The following NOS1 variants were observed in gnomAD, a reference collection of about 807,000 sequenced individuals.
The protein encoded by NOS1 is NOS type I.
NOS1 carries 51 observed loss-of-function variants against 164.5 expected under a neutral mutation model. That is an observed-to-expected ratio of 0.31 (90% CI 0.25 to 0.39). NOS1 has a LOEUF of 0.39. Ranked by LOEUF, NOS1 falls within the 10% of genes least tolerant of loss-of-function variation. The pLI is 1.00. For synonymous variants in NOS1, 719 were observed against 745.8 expected (o/e 0.96, Z 0.59); for missense variants, 1,362 against 1,885.6 (o/e 0.72, Z 5.14).
chr12:117,317,826 G>T (rs2136061358), intron 2 of NOS1, among the ~76,000 whole-genome samples: 1 of 152,160 alleles, frequency 6.6e-6, no homozygotes, highest in South Asian at 2.1e-4. Flanking sequence ...GGTCACATTT[G>T]GTGGTTCTCA....
At chr12:117,337,696 T>A (rs991145406) in intron 1 of NOS1, among the ~76,000 whole-genome samples, 1 of 152,102 alleles carries the variant, frequency 6.6e-6, no homozygotes, top group African/African-American at 2.4e-5. Context: ...GGGGGTAGCA[T>A]GGAAAGAGAG....
In NOS1 at chr12:117,272,250, C is replaced by T; in HGVS notation, c.1839+135G>A. 1.1e-6 allele frequency: 1 copy of T among 898,014 alleles called. No homozygotes were observed. 55.6% of individuals were successfully genotyped at this position (898,014 alleles called of 1,614,324 possible). A position where few individuals can be genotyped will look rare whatever the true frequency, so the allele number is the denominator to read the frequency against. On this transcript the variant is annotated intron_variant, in intron 10 of 28. Transcript: ENST00000317775. The surrounding 1 kb of genome is among the most constrained non-coding windows in gnomAD (Gnocchi z 4.3). ...TGGATGCCCCTGGCATTTCCAGGGG[C>T]TTCTCTGGGATTGCAATTCTATTCT... is the stretch of plus-strand genomic sequence containing the variant.
At chr12:117,262,730 A>C (rs929785242) in intron 13 of NOS1, among the ~76,000 whole-genome samples, 1 of 150,600 alleles carries the variant, frequency 6.6e-6, no homozygotes, top group Non-Finnish European at 1.5e-5. Flanking sequence ...GTTAGCTCCA[A>C]ACAGTGGTCT....
Position 117,288,055 on chromosome 12 carries a change from G to A in NOS1, c.1127+19C>T, listed in dbSNP as rs180858655. 26 of 1,613,094 alleles carry A rather than the reference G, an allele frequency of 1.6e-5. No homozygotes were observed. The East Asian group carries it at 2.9e-4, about 18-fold the overall frequency. ...TTCGATAACTTACCTCGGGCTCCCC[G>A]GAATTGACACACACTTGCCTTTTAA... On this transcript the variant is annotated intron_variant, in intron 5 of 28. Coordinates refer to ENST00000317775, the MANE Select transcript of NOS1 (RefSeq NM_000620.5).
At chr12:117,232,167 G>A (rs370301880) in intron 21 of NOS1, 36 bp from the exon 22 acceptor site, 26 of 1,606,624 alleles carry the variant, frequency 1.6e-5, no homozygotes, top group Non-Finnish European at 2.0e-5. Flanking sequence ...GGTGGGTGTG[G>A]GAGGGCTTGA....
chr12:117,264,735 C>T (rs1872243950), intron 12 of NOS1, among the ~76,000 whole-genome samples: 1 of 149,572 alleles, frequency 6.7e-6, no homozygotes, highest in African/African-American at 2.5e-5. Flanking sequence ...CTCTTTCTCT[C>T]TTTCTTTTTG....
chr12:117,291,978 G>A (rs1873095223), intron 3 of NOS1, among the ~76,000 whole-genome samples: 1 of 152,172 alleles, frequency 6.6e-6, no homozygotes, highest in African/African-American at 2.4e-5. Context: ...AGCCAAGCAA[G>A]ATCAGGGAGA....
intron 2 of NOS1, among the ~76,000 whole-genome samples, chr12:117,317,173 G>A (rs142792286): frequency 0.016 from 2,370 of 152,112 alleles, 30 homozygotes; most frequent in African/African-American, 0.02. Flanking sequence ...GAGCCACTGC[G>A]CCTGGCCTGT....
chr12:117,252,937 A>G (rs992802748), intron 17 of NOS1, among the ~76,000 whole-genome samples: 1 of 152,194 alleles, frequency 6.6e-6, no homozygotes, highest in African/African-American at 2.4e-5. Flanking sequence ...CACGAAACCA[A>G]GGGTTTGACA....
intron 10 of NOS1, among the ~76,000 whole-genome samples, chr12:117,271,338 C>A (rs904665981): frequency 6.6e-6 from 1 of 151,040 alleles, no homozygotes; most frequent in Non-Finnish European, 1.5e-5. Flanking sequence ...AGTACAGTGG[C>A]GCAATCTCGG....
At position 117,211,642 on chromosome 12, in the gene NOS1, G is replaced by A. The variant is rs148968673; in HGVS notation, c.*3667C>T. ...AATTTATCTTACATGCTCCCTGTCC[G>A]TGCCTTTCCTCTCACTCTTCCCAAT... On this transcript the variant is annotated 3_prime_UTR_variant, in exon 29 of 29. Coordinates refer to ENST00000317775, the MANE Select transcript of NOS1 (RefSeq NM_000620.5). 1.4e-5 allele frequency: 14 copies of A among 985,388 alleles called. No homozygotes were observed. The Admixed American group carries it at 2.5e-4, about 17-fold the overall frequency. The allele number at this position is 985,388 out of a possible 1,614,324, so 61.0% of individuals were successfully genotyped here.
chr12:117,320,919 A>C (rs191446777), intron 2 of NOS1, among the ~76,000 whole-genome samples: 1 of 152,200 alleles, frequency 6.6e-6, no homozygotes, highest in Admixed American at 6.5e-5. Flanking sequence ...CCCCTATCTA[A>C]TGCTCTACCA....
chr12:117,240,935 CT>C (rs954098413), intron 20 of NOS1, among the ~76,000 whole-genome samples: 6 of 142,872 alleles, frequency 4.2e-5, no homozygotes, highest in Non-Finnish European at 9.1e-5. Flanking sequence ...AGTAATTTTT[CT>C]TTTTCTTTTT....
intron 2 of NOS1, among the ~76,000 whole-genome samples, chr12:117,312,544 T>A (rs1037042849): frequency 7.3e-5 from 11 of 151,700 alleles, no homozygotes; most frequent in African/African-American, 2.4e-4. Context: ...GCCTCCCGAG[T>A]AGCTGGGACT....
chr12:117,250,482 C>T (rs1335145667), intron 17 of NOS1, among the ~76,000 whole-genome samples: 1 of 152,002 alleles, frequency 6.6e-6, no homozygotes, highest in Admixed American at 6.6e-5. Flanking sequence ...GCCCCCATAA[C>T]CACGCGTGGC....
intron 3 of NOS1, among the ~76,000 whole-genome samples, chr12:117,303,037 C>T (rs374539765): frequency 7.2e-5 from 11 of 152,310 alleles, no homozygotes; most frequent in African/African-American, 9.6e-5. Context: ...TGAGCCACCG[C>T]GCTGGGCCAC....
intron 27 of NOS1, among the ~76,000 whole-genome samples, chr12:117,218,606 C>T (rs9658541): frequency 1.3e-5 from 2 of 152,080 alleles, no homozygotes; most frequent in African/African-American, 4.8e-5. Flanking sequence ...GGCCGCATAG[C>T]ACTCAGGGAA....
intron 16 of NOS1, among the ~76,000 whole-genome samples, chr12:117,254,013 C>T (rs1338374358): frequency 6.6e-6 from 1 of 152,052 alleles, no homozygotes; most frequent in East Asian, 1.9e-4. Context: ...AAACCTGAGA[C>T]CCATAAAGTT....
intron 2 of NOS1, among the ~76,000 whole-genome samples, chr12:117,323,937 A>G (rs1593022761): frequency 6.7e-6 from 1 of 149,312 alleles, no homozygotes; most frequent in Non-Finnish European, 1.5e-5. Context: ...ACGCACCACC[A>G]CGTCTGGCTA....
Sources: gnomAD v4.1 joint callset for allele counts (sites outside exome capture counted in the v4.1 genomes callset) on GRCh38, gnomAD v4.1.1 for gene constraint, Gnocchi (gnomAD v3.1) non-coding constraint, MANE v1.5 for transcripts, NCBI Gene and HGNC (gene_info 2026-07-23, HGNC 2026-07-21) for gene names.